The following RCN3 variants were observed in gnomAD, a reference collection of about 807,000 sequenced individuals.
The protein encoded by RCN3 is reticulocalbin-3.
A neutral mutation model predicts 35.9 loss-of-function variants in RCN3; 41 were observed. The observed-to-expected ratio is 1.14, with a 90% confidence interval of 0.89 to 1.48. The LOEUF (loss-of-function observed/expected upper bound fraction) is 1.48. Among genes scored for constraint, RCN3 ranks in the 40% most tolerant of loss-of-function variants. RCN3 has a pLI of 0.00. For synonymous variants in RCN3, 187 were observed against 193.4 expected (o/e 0.97, Z 0.27); for missense variants, 451 against 471.3 (o/e 0.96, Z 0.40).
intron 5 of RCN3, among the ~76,000 whole-genome samples, chr19:49,539,571 G>A (rs938475340): frequency 1.2e-4 from 18 of 151,278 alleles, no homozygotes; most frequent in African/African-American, 3.7e-4. Context: ...TTGAACCTGC[G>A]CCTGCACAGC....
chr19:49,539,099 A>G lies in RCN3; in HGVS notation c.619-20A>G, dbSNP rs1456670113. 6.3e-7 allele frequency: 1 copy of G among 1,579,186 alleles called. No homozygotes were observed. Among genetic ancestry groups the G allele is most frequent in the African/African-American group, 1.4e-5 (1 of 73,306 alleles). On this transcript the variant is annotated intron_variant, in intron 4 of 6. Transcript: ENST00000270645. ...GCCAGGGTCATCGGCCCCCAGCCTC[A>G]ATGCCCCTTTCTCCTCCAGGAAACC...
chr19:49,530,361 G>A (rs1349550787), intron 2 of RCN3, among the ~76,000 whole-genome samples: 1 of 150,710 alleles, frequency 6.6e-6, no homozygotes, highest in Non-Finnish European at 1.5e-5. Flanking sequence ...AGTAGAGATG[G>A]GGTTTCACTG....
At position 49,542,970 on chromosome 19, in the gene RCN3, G is replaced by A. The variant is rs571530879; in HGVS notation, c.880-136G>A. ...AAGAGAGAAGGACAGGGACCAAGACGGGGACAGATTCAGAGAGAAAGGGAC... is the reference window on the plus strand; with the variant it reads ...AAGAGAGAAGGACAGGGACCAAGACAGGGACAGATTCAGAGAGAAAGGGAC... On this transcript the variant is annotated intron_variant, in intron 6 of 6. Transcript: ENST00000270645. 46 of 821,180 alleles carry A rather than the reference G, an allele frequency of 5.6e-5. No individual in the cohort carries two copies. In the East Asian group the frequency reaches 6.2e-4, roughly 11 times the overall value. The allele number at this position is 821,180 out of a possible 1,614,324, so 50.9% of individuals were successfully genotyped here. A position where few individuals can be genotyped will look rare whatever the true frequency, so the allele number is the denominator to read the frequency against.
At chr19:49,540,458 A>G (rs529343970) in intron 5 of RCN3, among the ~76,000 whole-genome samples, 1 of 152,110 alleles carries the variant, frequency 6.6e-6, no homozygotes, top group African/African-American at 2.4e-5. Context: ...ATGGTGTACT[A>G]AAAATACAAA....
At chr19:49,529,930 ATTTTTATTTTT>A (rs1568707758) in intron 2 of RCN3, among the ~76,000 whole-genome samples, 3 of 114,132 alleles carry the variant, frequency 2.6e-5, no homozygotes, top group African/African-American at 1.1e-4. Flanking sequence ...CTAATTTTGT[ATTTTTATTTTT>A]TATTTTTATT....
At chr19:49,535,567 A>G (rs1471684783) in intron 3 of RCN3, among the ~76,000 whole-genome samples, 3 of 152,168 alleles carry the variant, frequency 2.0e-5, no homozygotes, top group Non-Finnish European at 4.4e-5. Flanking sequence ...AATATGTTAC[A>G]TAGCCTGGGT....
chr19:49,530,308 C>T lies in RCN3; in HGVS notation c.242+1594C>T, dbSNP rs530920910. 4.7e-5 allele frequency among the ~76,000 whole-genome samples: 7 copies of T among 149,912 alleles called. No homozygotes were observed. The South Asian group carries it at 1.1e-3, about 23-fold the overall frequency. Reference sequence around the variant, plus strand: ...CCGAGTAGCTGGGACTATGGGTGCACGCCCACACGCCCAGCTAATTTTTTT... The same window carrying T: ...CCGAGTAGCTGGGACTATGGGTGCATGCCCACACGCCCAGCTAATTTTTTT... On this transcript the variant is annotated intron_variant, in intron 2 of 6. Transcript: ENST00000270645.
intron 2 of RCN3, among the ~76,000 whole-genome samples, chr19:49,531,619 A>G (rs2080108384): frequency 6.6e-6 from 1 of 152,088 alleles, no homozygotes; most frequent in Non-Finnish European, 1.5e-5. Flanking sequence ...AAGACAAGAC[A>G]AGATGGTGGT....
intron 4 of RCN3, among the ~76,000 whole-genome samples, chr19:49,538,194 G>A (rs1184339358): frequency 7.2e-6 from 1 of 138,544 alleles, no homozygotes; most frequent in African/African-American, 2.7e-5. Context: ...ACGGAGTCTC[G>A]CTCTGTCGCC....
chr19:49,533,296 G>A (rs2080117826), intron 2 of RCN3, among the ~76,000 whole-genome samples: 1 of 152,202 alleles, frequency 6.6e-6, no homozygotes, highest in African/African-American at 2.4e-5. Context: ...CAGGCCTGGA[G>A]AGGGCTCTGC....
intron 2 of RCN3, among the ~76,000 whole-genome samples, chr19:49,529,041 C>T (rs551623278): frequency 2.1e-4 from 32 of 151,994 alleles, no homozygotes; most frequent in Admixed American, 3.9e-4. Flanking sequence ...ATTAGGCAGG[C>T]GTGGTGGTGG....
At chr19:49,542,928 A>AGAG (rs2080170534) in intron 6 of RCN3, among the ~76,000 whole-genome samples, 176 bp downstream of exon 6, 1 of 151,724 alleles carries the variant, frequency 6.6e-6, no homozygotes, top group South Asian at 2.1e-4. Flanking sequence ...AGAGGGGGAC[A>AGAG]GAGACCCAGA....
At chr19:49,532,745 G>A (rs1012965176) in intron 2 of RCN3, among the ~76,000 whole-genome samples, 1 of 151,806 alleles carries the variant, frequency 6.6e-6, no homozygotes, top group African/African-American at 2.4e-5. Flanking sequence ...GTACTATCTC[G>A]GCTCACTGCA....
In RCN3 at chr19:49,531,958, G is replaced by A. The variant is rs28499544; in HGVS notation, c.243-2235G>A. 2.9e-3 allele frequency among the ~76,000 whole-genome samples: 441 copies of A among 150,700 alleles called. 1 individual carries two copies. Among genetic ancestry groups the A allele is most frequent in the African/African-American group, 0.01 (414 of 41,014 alleles). ...TGGGACTACAGGCGCCCACCACCAC[G>A]CCCAGCTAATTTTTTTGTATTTTTA... On this transcript the variant is annotated intron_variant, in intron 2 of 6. Transcript: ENST00000270645.
chr19:49,542,343 A>C (rs2080166518), intron 5 of RCN3, among the ~76,000 whole-genome samples: 2 of 152,208 alleles, frequency 1.3e-5, no homozygotes, highest in African/African-American at 4.8e-5. Context: ...TCAACCAATC[A>C]AATGAATTTC....
chr19:49,532,565 G>A lies in RCN3; in HGVS notation c.243-1628G>A, dbSNP rs190122673. Among the ~76,000 whole-genome samples, 336 of 152,136 alleles carry A rather than the reference G, an allele frequency of 2.2e-3. 1 individual carries two copies. The highest frequency in any genetic ancestry group is 3.9e-3 in the Non-Finnish European group (266 of 67,992). ...TACTTTTTGTATTTTTAGTAGAGACGGTTTCACCATGTTGGCCAGGCTGGT... is the reference window on the plus strand; with the variant it reads ...TACTTTTTGTATTTTTAGTAGAGACAGTTTCACCATGTTGGCCAGGCTGGT... On this transcript the variant is annotated intron_variant, in intron 2 of 6. Coordinates refer to ENST00000270645, the MANE Select transcript of RCN3 (RefSeq NM_020650.3).
At chr19:49,532,749 C>T (rs2080115117) in intron 2 of RCN3, among the ~76,000 whole-genome samples, 1 of 152,112 alleles carries the variant, frequency 6.6e-6, no homozygotes, top group Non-Finnish European at 1.5e-5. Flanking sequence ...TATCTCGGCT[C>T]ACTGCAACCT....
chr19:49,537,898 C>A (rs2080144189), intron 4 of RCN3, among the ~76,000 whole-genome samples: 1 of 152,062 alleles, frequency 6.6e-6, no homozygotes, highest in Admixed American at 6.6e-5. Flanking sequence ...CTTGGCCTCC[C>A]AAAGTGCTGG....
At chr19:49,534,057 C>A in intron 2 of RCN3, 136 bp from the exon 3 acceptor site, 1 of 902,054 alleles carries the variant, frequency 1.1e-6, no homozygotes, top group Non-Finnish European at 1.6e-6. Flanking sequence ...GACCCGCGCC[C>A]CTCCCCAGTT....
Sources: allele counts gnomAD v4.1 joint callset (sites outside exome capture counted in the v4.1 genomes callset), GRCh38; gene constraint gnomAD v4.1.1; transcripts MANE v1.5; gene names NCBI Gene and HGNC (gene_info 2026-07-23, HGNC 2026-07-21).